KDM4C: variants seen among roughly 807,000 people sequenced by gnomAD.
The protein encoded by KDM4C is lysine demethylase 4C.
Under a neutral mutation model 129.3 loss-of-function variants are expected in KDM4C, and 81 were observed. That is an observed-to-expected ratio of 0.63 (90% confidence interval 0.52 to 0.75). The LOEUF (loss-of-function observed/expected upper bound fraction) is 0.75, where lower values mean the gene tolerates loss of function less well. Ranked by LOEUF, KDM4C falls within the 30% of genes least tolerant of loss-of-function variation. The pLI, the probability that KDM4C is intolerant of heterozygous loss-of-function variation, is 0.00. For missense variants in KDM4C, 1,457 were observed against 1,304.0 expected (o/e 1.12, Z -1.81); for synonymous variants, 573 against 456.1 (o/e 1.26, Z -3.26).
intron 8 of KDM4C, among the ~76,000 whole-genome samples, chr9:6,927,137 A>ATCTATCTATCTATCTG (rs1200002537): frequency 2.1e-5 from 3 of 143,094 alleles, no homozygotes; most frequent in African/African-American, 7.8e-5. Flanking sequence ...CTATCTATCT[A>ATCTATCTATCTATCTG]TCTGTTTTTT....
chr9:6,775,558 T>C (rs1423983681), intron 1 of KDM4C, among the ~76,000 whole-genome samples: 1 of 151,898 alleles, frequency 6.6e-6, no homozygotes, highest in African/African-American at 2.4e-5. Context: ...GTTTCGTTCT[T>C]ATTGCCCAGG....
chr9:6,757,050 A>AG (rs1476693766), upstream of KDM4C, among the ~76,000 whole-genome samples: 1 of 152,198 alleles, frequency 6.6e-6, no homozygotes, highest in African/African-American at 2.4e-5. Context: ...TAAAAAAAAA[A>AG]TCATTCAGCT....
intron 15 of KDM4C, among the ~76,000 whole-genome samples, chr9:7,040,639 TA>T (rs908495060): frequency 1.3e-5 from 2 of 151,786 alleles, no homozygotes; most frequent in Non-Finnish European, 2.9e-5. Context: ...CCTTTTTTTT[TA>T]AAAGGTTGTT....
intron 4 of KDM4C, among the ~76,000 whole-genome samples, chr9:6,848,279 A>G (rs892586926): frequency 6.6e-6 from 1 of 152,240 alleles, no homozygotes; most frequent in Non-Finnish European, 1.5e-5. Flanking sequence ...ACACAGGAAC[A>G]TGCCTAGTCT....
At chr9:7,007,863 T>TA (rs1263967135) in intron 12 of KDM4C, among the ~76,000 whole-genome samples, 5 of 152,120 alleles carry the variant, frequency 3.3e-5, no homozygotes, top group African/African-American at 1.2e-4. Flanking sequence ...TTTATTTTCA[T>TA]AAAAAATAAT....
At chr9:6,975,513 T>C (rs1297204604) in intron 8 of KDM4C, among the ~76,000 whole-genome samples, 1 of 152,242 alleles carries the variant, frequency 6.6e-6, no homozygotes, top group African/African-American at 2.4e-5. Flanking sequence ...TTATTAGGTA[T>C]GTGACCTTGG....
chr9:7,056,400 G>A (rs1035241578), intron 17 of KDM4C, among the ~76,000 whole-genome samples: 2 of 151,452 alleles, frequency 1.3e-5, no homozygotes, highest in Admixed American at 6.6e-5. Context: ...CTGTCAGAAT[G>A]ATTTGCTACA....
At chr9:7,064,435 A>G (rs1368916178) in intron 17 of KDM4C, among the ~76,000 whole-genome samples, 3 of 152,208 alleles carry the variant, frequency 2.0e-5, no homozygotes, top group African/African-American at 7.2e-5. Context: ...CAGCAAGGTC[A>G]GTTTCAATAG....
chr9:7,174,422 G>C (rs1845258338), intron 21 of KDM4C, 131 bp from the exon 22 acceptor site: 2 of 752,364 alleles, frequency 2.7e-6, no homozygotes, highest in East Asian at 2.5e-5. Context: ...GCCATGCCTG[G>C]GGCCCTTTTA....
At chr9:7,004,648 T>C (rs1821328702) in intron 12 of KDM4C, among the ~76,000 whole-genome samples, 1 of 152,226 alleles carries the variant, frequency 6.6e-6, no homozygotes, top group Non-Finnish European at 1.5e-5. Context: ...CATTAATTTC[T>C]TTATTACCAT....
chr9:6,807,858 CA>C (rs1311041711), intron 3 of KDM4C, among the ~76,000 whole-genome samples: 26 of 146,444 alleles, frequency 1.8e-4, no homozygotes, highest in African/African-American at 5.9e-4. Flanking sequence ...GTCAGCCCCC[CA>C]ACCTGGCCAG....
At chr9:7,124,741 C>T (rs1839859464) in intron 18 of KDM4C, among the ~76,000 whole-genome samples, 1 of 152,024 alleles carries the variant, frequency 6.6e-6, no homozygotes, top group Non-Finnish European at 1.5e-5. Context: ...CCTACCGACA[C>T]CTAAAGGTAC....
At chr9:7,007,667 T>G (rs903976754) in intron 12 of KDM4C, among the ~76,000 whole-genome samples, 4 of 152,190 alleles carry the variant, frequency 2.6e-5, no homozygotes, top group African/African-American at 9.7e-5. Flanking sequence ...TGGTTCTCAG[T>G]CTTTTTGGTC....
At chr9:7,077,140 C>T (rs1235013265) in intron 17 of KDM4C, 2 of 985,252 alleles carry the variant, frequency 2.0e-6, no homozygotes, top group African/African-American at 1.7e-5. Flanking sequence ...ACTGGGCTGA[C>T]AGATGTTGAG....
At chr9:7,099,886 A>AT (rs1479697972) in intron 17 of KDM4C, among the ~76,000 whole-genome samples, 1 of 150,476 alleles carries the variant, frequency 6.6e-6, no homozygotes, top group Non-Finnish European at 1.5e-5. Flanking sequence ...TCAATTTTCA[A>AT]TTTTTTCAAT....
chr9:6,925,629 C>T, intron 8 of KDM4C: 1 of 985,396 alleles, frequency 1.0e-6, no homozygotes, highest in Non-Finnish European at 1.2e-6. Flanking sequence ...GCTTGTTTAC[C>T]ATCAGCCCTT....
intron 15 of KDM4C, 47 bp downstream of exon 15, chr9:7,015,976 C>A: frequency 7.6e-7 from 1 of 1,310,818 alleles, no homozygotes; most frequent in South Asian, 1.2e-5. Context: ...CCCACCCTAC[C>A]CACTGTGGAC....
chr9:7,053,681 A>T (rs1369534903), intron 17 of KDM4C, among the ~76,000 whole-genome samples: 1 of 152,212 alleles, frequency 6.6e-6, no homozygotes, highest in Non-Finnish European at 1.5e-5. Flanking sequence ...TTTAATGAAA[A>T]ATAAGTTTGG....
intron 8 of KDM4C, among the ~76,000 whole-genome samples, chr9:6,929,883 A>T (rs192151774): frequency 6.6e-6 from 1 of 152,106 alleles, no homozygotes; most frequent in East Asian, 1.9e-4. Context: ...GATTTCTACA[A>T]CCCTCTGCCA....
Sources: gnomAD v4.1 joint callset for allele counts (sites outside exome capture counted in the v4.1 genomes callset) on GRCh38, gnomAD v4.1.1 for gene constraint, MANE v1.5 for transcripts, NCBI Gene and HGNC (gene_info 2026-07-23, HGNC 2026-07-21) for gene names.